Variants in GRIA1 observed in about 807,000 individuals in gnomAD.
GRIA1 encodes the protein glutamate ionotropic receptor AMPA type subunit 1.
Under a neutral mutation model 99.2 loss-of-function variants are expected in GRIA1, and 31 were observed. The ratio of observed to expected loss-of-function variants is 0.31; its 90% CI spans 0.23 to 0.42. The LOEUF is 0.42. GRIA1 is among the 10% of genes least tolerant of loss of function. GRIA1 has a pLI of 1.00. For synonymous variants in GRIA1, 438 were observed against 432.4 expected (o/e 1.01, Z -0.16); for missense variants, 782 against 1,157.5 (o/e 0.68, Z 4.71).
intron 12 of GRIA1, among the ~76,000 whole-genome samples, chr5:153,767,241 C>A (rs1212843826): frequency 1.3e-5 from 2 of 152,226 alleles, no homozygotes; most frequent in Non-Finnish European, 2.9e-5. Flanking sequence ...CTCATATAAT[C>A]TCCACGGCAA....
intron 2 of GRIA1, among the ~76,000 whole-genome samples, chr5:153,507,604 A>G (rs1237025511): frequency 1.3e-5 from 2 of 152,176 alleles, no homozygotes; most frequent in Non-Finnish European, 2.9e-5. Context: ...CACCACCACT[A>G]TGACTCGAGT....
At chr5:153,710,409 G>A (rs755390982) in intron 11 of GRIA1, among the ~76,000 whole-genome samples, 9 of 151,982 alleles carry the variant, frequency 5.9e-5, no homozygotes, top group Non-Finnish European at 1.0e-4. Flanking sequence ...TTTTTGTATA[G>A]TTGAGGTTTC....
At chr5:153,629,101 A>G (rs1305646788) in intron 2 of GRIA1, among the ~76,000 whole-genome samples, 1 of 152,208 alleles carries the variant, frequency 6.6e-6, no homozygotes, top group Non-Finnish European at 1.5e-5. Flanking sequence ...CTAGTCCTCA[A>G]GTGTGCTGAC....
chr5:153,545,294 C>A (rs1306512784), intron 2 of GRIA1, among the ~76,000 whole-genome samples: 1 of 151,956 alleles, frequency 6.6e-6, no homozygotes, highest in Non-Finnish European at 1.5e-5. Context: ...TGGGTTTTGC[C>A]AGAGGTTGTA....
At chr5:153,695,565 T>A (rs999598188) in intron 8 of GRIA1, among the ~76,000 whole-genome samples, 1 of 152,192 alleles carries the variant, frequency 6.6e-6, no homozygotes, top group African/African-American at 2.4e-5. Context: ...GACCACACTG[T>A]CTTGAGCAAA....
chr5:153,596,042 G>C (rs1456645556), intron 2 of GRIA1, among the ~76,000 whole-genome samples: 1 of 146,464 alleles, frequency 6.8e-6, no homozygotes, highest in Admixed American at 6.8e-5. Flanking sequence ...AAAAAAAACA[G>C]GTCAACACTG....
At chr5:153,588,063 A>C (rs766098205) in intron 2 of GRIA1, among the ~76,000 whole-genome samples, 2 of 152,228 alleles carry the variant, frequency 1.3e-5, no homozygotes, top group Non-Finnish European at 2.9e-5. Context: ...AATTGAAAAG[A>C]CATGTACAAA....
intron 2 of GRIA1, among the ~76,000 whole-genome samples, chr5:153,541,923 T>A (rs868002801): frequency 2.1e-5 from 2 of 95,836 alleles, no homozygotes; most frequent in South Asian, 1.1e-3. Flanking sequence ...AACGAGATCC[T>A]GTTTCAAAAA....
intron 2 of GRIA1, among the ~76,000 whole-genome samples, chr5:153,604,146 A>G (rs58315664): frequency 0.18 from 27,920 of 151,810 alleles, 3,789 homozygotes; most frequent in East Asian, 0.76. Flanking sequence ...TTTGCTACCA[A>G]TTAGAGGGGT....
intron 2 of GRIA1, among the ~76,000 whole-genome samples, chr5:153,521,101 G>A (rs936127435): frequency 1.3e-5 from 2 of 152,214 alleles, no homozygotes; most frequent in South Asian, 4.1e-4. Context: ...GATGAAATGA[G>A]CGGAATCAAA....
intron 2 of GRIA1, among the ~76,000 whole-genome samples, chr5:153,521,709 C>T (rs2113375000): frequency 6.6e-6 from 1 of 152,216 alleles, no homozygotes; most frequent in African/African-American, 2.4e-5. Flanking sequence ...AATATGATAG[C>T]TGACATTCAT....
At chr5:153,711,423 T>C (rs964934668) in intron 11 of GRIA1, among the ~76,000 whole-genome samples, 2 of 152,050 alleles carry the variant, frequency 1.3e-5, no homozygotes, top group Non-Finnish European at 2.9e-5. Flanking sequence ...TGCTGATGGA[T>C]TGGATCTATG....
intron 10 of GRIA1, among the ~76,000 whole-genome samples, chr5:153,705,049 G>A (rs1446492180): frequency 1.3e-5 from 2 of 152,122 alleles, no homozygotes; most frequent in Non-Finnish European, 2.9e-5. Context: ...ACTGACTTAG[G>A]CAAACTGACA....
chr5:153,601,865 A>G (rs1764994990), intron 2 of GRIA1, among the ~76,000 whole-genome samples: 1 of 152,200 alleles, frequency 6.6e-6, no homozygotes, highest in Non-Finnish European at 1.5e-5. Context: ...TTCATTGTGA[A>G]CTTGCTATGT....
chr5:153,593,438 T>C (rs974365872), intron 2 of GRIA1, among the ~76,000 whole-genome samples: 1 of 152,190 alleles, frequency 6.6e-6, no homozygotes, highest in Non-Finnish European at 1.5e-5. Context: ...AGTTTTTGAC[T>C]GTACTATGGC....
intron 2 of GRIA1, among the ~76,000 whole-genome samples, chr5:153,532,088 T>G (rs1051939751): frequency 6.6e-6 from 1 of 152,198 alleles, no homozygotes; most frequent in Non-Finnish European, 1.5e-5. Flanking sequence ...GGTGTCACTC[T>G]TTTACAGCCT....
At position 153,552,901 on chromosome 5, in the gene GRIA1, A is replaced by G. The variant is rs79957193; in HGVS notation, c.220+58836A>G. Among the ~76,000 whole-genome samples the G allele has an allele frequency of 6.6e-5, 10 of 152,262 alleles. No individual in the cohort carries two copies. In the East Asian group the frequency reaches 1.9e-3, roughly 29 times the overall value. ...TAAGTATCTAAGCTTAGGATGAATT[A>G]TTTATTTATTTCTCCAGCTTTTCTT... On this transcript the variant is annotated intron_variant, in intron 2 of 15. Transcript: ENST00000285900.
chr5:153,722,449 C>A (rs1336175889), intron 11 of GRIA1, among the ~76,000 whole-genome samples: 2 of 152,058 alleles, frequency 1.3e-5, no homozygotes, highest in African/African-American at 2.4e-5. Flanking sequence ...TTCAGCTTTA[C>A]CTTTTACTTT....
chr5:153,807,769 C>T (rs1333972876), intron 15 of GRIA1, among the ~76,000 whole-genome samples: 1 of 152,246 alleles, frequency 6.6e-6, no homozygotes, highest in East Asian at 1.9e-4. Flanking sequence ...CCCCTCCCCT[C>T]TGCCTGGGCA....
Sources: allele counts gnomAD v4.1 joint callset (sites outside exome capture counted in the v4.1 genomes callset), GRCh38; gene constraint gnomAD v4.1.1; transcripts MANE v1.5; gene names NCBI Gene and HGNC (gene_info 2026-07-23, HGNC 2026-07-21).